Variants in E2F8 observed in about 807,000 individuals in gnomAD.
E2F8 encodes transcription factor E2F8.
E2F8 carries 35 observed loss-of-function variants against 80.8 expected under a neutral mutation model. That is an observed-to-expected ratio of 0.43 (90% CI 0.33 to 0.57). The LOEUF is 0.57. Among genes scored for constraint, E2F8 ranks in the 20% least tolerant of loss-of-function variants. The pLI, the probability that E2F8 is intolerant of heterozygous loss-of-function variation, is 0.04. For synonymous variants in E2F8, 386 were observed against 395.0 expected (o/e 0.98, Z 0.27); for missense variants, 975 against 1,056.2 (o/e 0.92, Z 1.07).
chr11:19,232,386 A>G lies in E2F8; in HGVS notation c.929-15T>C. 1 of 1,603,322 alleles carries G rather than the reference A, an allele frequency of 6.2e-7. No homozygotes were observed. ...CCTAATTTTTGCTGGGAAAAAAAGT[A>G]TATATACCACTTAATGGAATAATGA... On this transcript the variant is annotated splice_polypyrimidine_tract_variant and intron_variant, in intron 6 of 12. Coordinates refer to ENST00000250024, the MANE Select transcript of E2F8 (RefSeq NM_024680.4).
chr11:19,231,214 C>A (rs1851371632), intron 7 of E2F8, among the ~76,000 whole-genome samples: 1 of 152,138 alleles, frequency 6.6e-6, no homozygotes, highest in Non-Finnish European at 1.5e-5. Flanking sequence ...AGAAATGCAG[C>A]CCTGTGTCGG....
intron 2 of E2F8, 99 bp downstream of exon 2, chr11:19,240,008 G>T: frequency 1.1e-6 from 1 of 901,200 alleles, no homozygotes; most frequent in Non-Finnish European, 1.6e-6. Context: ...CAAGGTTGTG[G>T]CATTAAGAAA....
intron 7 of E2F8, 55 bp from the exon 8 acceptor site, chr11:19,230,889 G>T: frequency 2.6e-6 from 4 of 1,539,490 alleles, no homozygotes; most frequent in Non-Finnish European, 3.6e-6. Flanking sequence ...TGGCTTTTGG[G>T]ATATGAAATA....
Position 19,225,737 on chromosome 11 carries a change from A to C in E2F8, c.2021T>G (p.Ile674Ser), listed in dbSNP as rs184534783. 1 of 1,614,164 alleles carries C rather than the reference A, an allele frequency of 6.2e-7. No homozygotes were observed. Among genetic ancestry groups the C allele is most frequent in the Non-Finnish European group, 8.5e-7 (1 of 1,180,010 alleles). The stretch of plus-strand genomic sequence containing the variant: ...AGTGTTTTATGTGCACTCACCTGCA[A>C]TTGGGGAGCTGTAAATCCTGTGGTT... ...SPNHRIYSSP[I>S]AGVIPVTSSE... is the part of the protein sequence containing the mutation. Residue 674 changes from isoleucine (I) to serine (S), a missense_variant, in exon 11 of 13, where the codon ATT becomes AGT. Ile to Ser is a moderately radical substitution (Grantham distance 142, BLOSUM62 -2). Coordinates refer to ENST00000250024, the MANE Select transcript of E2F8 (RefSeq NM_024680.4).
At chr11:19,239,275 TATGGTGCTCTTCTTAC>T (rs1469791415) in intron 2 of E2F8, among the ~76,000 whole-genome samples, 2 of 152,136 alleles carry the variant, frequency 1.3e-5, no homozygotes, top group East Asian at 3.9e-4. Flanking sequence ...TCACTCCAAG[TATGGTGCTCTTCTTAC>T]ATGGAAGTCA....
Position 19,229,524 on chromosome 11 carries a change from C to T in E2F8, c.1823G>A (p.Ser608Asn). ...TTTGGAACCACTGTCCTCGAGCATG[C>T]TTGCCCTCTTTGAGCCTCTTTCTCC... ...PAGERGSKRA[S>N]MLEDSGSKKK... Residue 608 changes from serine to asparagine, a missense_variant, in exon 10 of 13, where the codon AGC (serine) becomes AAC (asparagine). Physicochemically the swap from Ser to Asn is conservative, Grantham distance 46. Transcript: ENST00000250024. This position sits in a 1 kb window ranked among gnomAD's most constrained non-coding sequence, Gnocchi z 4.3. 6.2e-7 allele frequency: 1 copy of T among 1,614,254 alleles called. No homozygotes were observed. Among genetic ancestry groups the T allele is most frequent in the Non-Finnish European group, 8.5e-7 (1 of 1,180,046 alleles).
rs1851268431 is a variant in E2F8 at position 19,227,596 on chromosome 11, C to G, written c.1894-1732G>C. On this transcript the variant is annotated intron_variant, in intron 10 of 12. Coordinates refer to ENST00000250024, the MANE Select transcript of E2F8 (RefSeq NM_024680.4). The stretch of plus-strand genomic sequence containing the variant: ...ATATTTGAACTTGAACTCTTCTAGC[C>G]TACAGTAGCCCTTCCACCCCTTCCT... Among the ~76,000 whole-genome samples, 3 of 152,182 alleles carry G rather than the reference C, an allele frequency of 2.0e-5. No individual in the cohort carries two copies. In the South Asian group the frequency reaches 6.2e-4, roughly 31 times the overall value.
chr11:19,233,220 C>T (rs1851425413), intron 6 of E2F8, among the ~76,000 whole-genome samples: 1 of 152,212 alleles, frequency 6.6e-6, no homozygotes, highest in Admixed American at 6.5e-5. Flanking sequence ...CTTCTTTCCA[C>T]ACCCTTCCTG....
Position 19,225,434 on chromosome 11 carries a change from G to A in E2F8, c.2208C>T (p.Phe736=), listed in dbSNP as rs749837837. 1 of 1,614,236 alleles carries A rather than the reference G, an allele frequency of 6.2e-7. No individual in the cohort carries two copies. Among genetic ancestry groups the A allele is most frequent in the Non-Finnish European group, 8.5e-7 (1 of 1,180,048 alleles). Residue 736 remains phenylalanine, a synonymous_variant, in exon 12 of 13, where the codon TTC becomes TTT. Transcript: ENST00000250024. ...IQNPSSAIVN[F]TLQHLGLISP... ...AGATGAGTCCCAGGTGCTGCAGGGT[G>A]AAGTTTACAATGGCTGAGCTTGGGT...
chr11:19,230,710 A>G lies in E2F8; in HGVS notation c.1191T>C (p.Leu397=). 1 of 1,614,168 alleles carries G rather than the reference A, an allele frequency of 6.2e-7. No individual in the cohort carries two copies. The highest frequency in any genetic ancestry group is 8.5e-7 in the Non-Finnish European group (1 of 1,180,032). Reference sequence around the variant, plus strand: ...TTTCTATACTCTTTACCAATTTGATAAGAGATGGGTGTCGAGTAAAGTTTG... The same window carrying G: ...TTTCTATACTCTTTACCAATTTGATGAGAGATGGGTGTCGAGTAAAGTTTG... ...GKPNFTRHPS[L]IKLVKSIESD... is the part of the protein sequence containing the mutation. Residue 397 remains leucine (L), a synonymous_variant, in exon 8 of 13, where the codon CTT becomes CTC. Transcript: ENST00000250024.
In E2F8 at chr11:19,237,431, T is replaced by G; in HGVS notation, c.334A>C (p.Ser112Arg). 6.2e-7 allele frequency: 1 copy of G among 1,614,076 alleles called. No homozygotes were observed. Residue 112 changes from serine to arginine, a missense_variant, in exon 4 of 13, where the codon AGT becomes CGT. By Grantham distance (110) the Ser-to-Arg change is moderately radical. Coordinates refer to ENST00000250024, the MANE Select transcript of E2F8 (RefSeq NM_024680.4). Reference protein sequence around the residue: ...SGDEFEKSQPSRKEKSLGLLC... With the variant: ...SGDEFEKSQPRRKEKSLGLLC... The stretch of plus-strand genomic sequence containing the variant: ...AATCCTAAACTTTTCTCTTTTCGAC[T>G]TGGTTGGGATTTCTCAAATTCATCT...
Position 19,225,428 on chromosome 11 carries a change from C to T in E2F8, c.2214G>A (p.Leu738=). Residue 738 remains leucine (L), a synonymous_variant, in exon 12 of 13, where the codon CTG becomes CTA. Transcript: ENST00000250024. ...TGGGTGAGATGAGTCCCAGGTGCTGCAGGGTGAAGTTTACAATGGCTGAGC... is the reference window on the plus strand; with the variant it reads ...TGGGTGAGATGAGTCCCAGGTGCTGTAGGGTGAAGTTTACAATGGCTGAGC... ...NPSSAIVNFT[L]QHLGLISPNV... is the part of the protein sequence containing the mutation. The T allele has an allele frequency of 6.2e-7, 1 of 1,614,162 alleles. No homozygotes were observed. The highest frequency in any genetic ancestry group is 8.5e-7 in the Non-Finnish European group (1 of 1,180,028).
chr11:19,237,811 C>G (rs372547560), intron 3 of E2F8, 43 bp downstream of exon 3: 49 of 1,573,648 alleles, frequency 3.1e-5, no homozygotes, highest in Non-Finnish European at 4.0e-5. Flanking sequence ...CCCCCTCCCC[C>G]CAACAAATTC....
At chr11:19,230,986 G>C in intron 7 of E2F8, 152 bp from the exon 8 acceptor site, 1 of 669,732 alleles carries the variant, frequency 1.5e-6, no homozygotes, top group South Asian at 1.9e-5. Context: ...AGAAAGCCTT[G>C]TTTATCTTAT....
In E2F8 at chr11:19,238,124, G is replaced by C. The variant is rs772104791; in HGVS notation, c.24C>G (p.Leu8=). 3.7e-6 allele frequency: 6 copies of C among 1,602,148 alleles called. No individual in the cohort carries two copies. In the African/African-American group the frequency reaches 5.4e-5, roughly 14 times the overall value. Residue 8 remains leucine (L), a synonymous_variant, in exon 3 of 13, where the codon CTC becomes CTG. Coordinates refer to ENST00000250024, the MANE Select transcript of E2F8 (RefSeq NM_024680.4). MENEKEN[L]FCEPHKRGLM... ...GTCCCCTTTTATGTGGCTCACAAAAGAGATTTTCCTGGTTTAAAAAATGTA... is the reference window on the plus strand; with the variant it reads ...GTCCCCTTTTATGTGGCTCACAAAACAGATTTTCCTGGTTTAAAAAATGTA...
chr11:19,227,571 A>G (rs933557093), intron 10 of E2F8, among the ~76,000 whole-genome samples: 2 of 152,188 alleles, frequency 1.3e-5, no homozygotes, highest in African/African-American at 4.8e-5. Flanking sequence ...TGAATCTGAC[A>G]TATTTGAACT....
intron 6 of E2F8, among the ~76,000 whole-genome samples, chr11:19,233,260 C>T (rs144321412): frequency 2.6e-4 from 39 of 152,284 alleles, no homozygotes; most frequent in African/African-American, 9.1e-4. Context: ...GAGGGCATAG[C>T]TCTTTTGTTA....
In E2F8 at chr11:19,237,372, A is replaced by G. The variant is rs780857626; in HGVS notation, c.393T>C (p.Asn131=). Residue 131 remains asparagine, a synonymous_variant, in exon 4 of 13, where the codon AAT becomes AAC. Transcript: ENST00000250024. ...LCHKFLARYP[N]YPNPAVNNDI... ...CATTATTCACAGCAGGGTTGGGATAATTAGGATATCGTGCTAAGAACTTAT... is the reference window on the plus strand; with the variant it reads ...CATTATTCACAGCAGGGTTGGGATAGTTAGGATATCGTGCTAAGAACTTAT... 3.7e-6 allele frequency: 6 copies of G among 1,614,222 alleles called. No individual in the cohort carries two copies. The South Asian group carries it at 6.6e-5, about 18-fold the overall frequency.
intron 7 of E2F8, among the ~76,000 whole-genome samples, chr11:19,231,469 C>A (rs1353734207): frequency 6.6e-6 from 1 of 152,186 alleles, no homozygotes; most frequent in African/African-American, 2.4e-5. Flanking sequence ...TCTCAGGCCG[C>A]AAAGCCAGAG....
Sources: gnomAD v4.1 joint callset for allele counts (sites outside exome capture counted in the v4.1 genomes callset) on GRCh38, gnomAD v4.1.1 for gene constraint, Gnocchi (gnomAD v3.1) non-coding constraint, MANE v1.5 for transcripts, NCBI Gene and HGNC (gene_info 2026-07-23, HGNC 2026-07-21) for gene names.